The following GRID2 variants were observed in gnomAD, a reference collection of about 807,000 sequenced individuals.
GRID2 encodes glutamate ionotropic receptor delta type subunit 2.
In GRID2, 33 loss-of-function variants were observed where a neutral mutation model predicts 114.8. The ratio of observed to expected loss-of-function variants is 0.29; its 90% CI spans 0.22 to 0.38. GRID2 has a LOEUF of 0.38. Among genes scored for constraint, GRID2 ranks in the 10% least tolerant of loss-of-function variants. The pLI is 1.00. For synonymous variants in GRID2, 505 were observed against 449.9 expected, an observed-to-expected ratio of 1.12 and a Z score of -1.55; for missense variants, 1,184 against 1,257.7, an observed-to-expected ratio of 0.94 and a Z score of 0.89.
chr4:93,713,374 A>G (rs1290299652), intron 14 of GRID2, among the ~76,000 whole-genome samples: 1 of 152,080 alleles, frequency 6.6e-6, no homozygotes, highest in Non-Finnish European at 1.5e-5. Context: ...TTTTAAAAAA[A>G]TAGTTGGGGA....
chr4:92,504,882 A>T (rs980970157), intron 1 of GRID2, among the ~76,000 whole-genome samples: 27 of 152,184 alleles, frequency 1.8e-4, no homozygotes, highest in African/African-American at 6.3e-4. Flanking sequence ...AGCCAATAAT[A>T]TTCAGAATTT....
intron 2 of GRID2, among the ~76,000 whole-genome samples, chr4:92,918,929 C>T (rs1451302964): frequency 1.3e-5 from 2 of 152,170 alleles, no homozygotes; most frequent in African/African-American, 2.4e-5. Flanking sequence ...AGGAATGGTA[C>T]CAGTTCCTCC....
At chr4:93,494,021 A>G (rs528174788) in intron 12 of GRID2, among the ~76,000 whole-genome samples, 26 of 151,980 alleles carry the variant, frequency 1.7e-4, no homozygotes, top group African/African-American at 6.3e-4. Flanking sequence ...TTCTAATTTC[A>G]TGCCTCAACA....
chr4:92,335,510 A>G (rs1023664971), intron 1 of GRID2, among the ~76,000 whole-genome samples: 1 of 152,208 alleles, frequency 6.6e-6, no homozygotes, highest in Non-Finnish European at 1.5e-5. Flanking sequence ...TTATGTTAGG[A>G]AGCTGCTGAA....
chr4:93,685,864 T>C (rs1013837676), intron 14 of GRID2, among the ~76,000 whole-genome samples: 4 of 152,140 alleles, frequency 2.6e-5, no homozygotes, highest in African/African-American at 9.6e-5. Context: ...AGAAGTCAAA[T>C]CACTTTGAAC....
intron 2 of GRID2, among the ~76,000 whole-genome samples, chr4:92,816,285 A>C (rs1740903414): frequency 6.8e-6 from 1 of 146,564 alleles, no homozygotes; most frequent in Non-Finnish European, 1.5e-5. Flanking sequence ...ATTGCACTCC[A>C]GTCTGGGCAA....
In GRID2 at chr4:93,495,336, G is replaced by T. The variant is rs377353600; in HGVS notation, c.1997+4559G>T. ...ATAACAGGATTTTTGCCATCACCTT[G>T]GTCTACATTTTGAAAAGAAAATAAT... On this transcript the variant is annotated intron_variant, in intron 12 of 15. Transcript: ENST00000282020. Among the ~76,000 whole-genome samples the T allele has an allele frequency of 1.8e-4, 27 of 151,704 alleles. No homozygotes were observed. The East Asian group carries it at 5.3e-3, about 30-fold the overall frequency.
intron 14 of GRID2, among the ~76,000 whole-genome samples, chr4:93,735,470 A>G (rs1560957866): frequency 6.6e-6 from 1 of 151,926 alleles, no homozygotes; most frequent in Non-Finnish European, 1.5e-5. Flanking sequence ...AAAATCACCA[A>G]CTCTTTAAGT....
chr4:93,679,242 T>C (rs1022014169), intron 14 of GRID2, among the ~76,000 whole-genome samples: 1 of 151,112 alleles, frequency 6.6e-6, no homozygotes, highest in Non-Finnish European at 1.5e-5. Context: ...CCTAAATATA[T>C]AGGCACCCAA....
intron 13 of GRID2, among the ~76,000 whole-genome samples, chr4:93,599,630 T>C (rs1306690834): frequency 6.6e-6 from 1 of 152,202 alleles, no homozygotes; most frequent in East Asian, 1.9e-4. Context: ...AAATGTTATG[T>C]TCTGATTCCA....
intron 8 of GRID2, among the ~76,000 whole-genome samples, chr4:93,377,869 T>A (rs1763514154): frequency 6.6e-6 from 1 of 152,092 alleles, no homozygotes; most frequent in South Asian, 2.1e-4. Context: ...AAAAAATGAA[T>A]CTTCTGATTG....
rs540462732 is a variant in GRID2 at position 93,650,005 on chromosome 4, C to T, written c.2360+23570C>T. On this transcript the variant is annotated intron_variant, in intron 14 of 15. Coordinates refer to ENST00000282020, the MANE Select transcript of GRID2 (RefSeq NM_001510.4). ...TATATGCCTTTCCCCACCACCACCT[C>T]CCTGACCCAGCCCCCCATCTGCATT... 4.6e-5 allele frequency among the ~76,000 whole-genome samples: 7 copies of T among 152,252 alleles called. No homozygotes were observed. The South Asian group carries it at 1.2e-3, about 27-fold the overall frequency.
At chr4:93,580,907 G>A (rs112385316) in intron 13 of GRID2, among the ~76,000 whole-genome samples, 11,825 of 148,094 alleles carry the variant, frequency 0.08, 562 homozygotes, top group Middle Eastern at 0.11. Context: ...TAACTTCTGG[G>A]ATACATGTGC....
At chr4:92,579,490 C>A (rs34822999) in intron 1 of GRID2, among the ~76,000 whole-genome samples, 1 of 151,756 alleles carries the variant, frequency 6.6e-6, no homozygotes, top group Non-Finnish European at 1.5e-5. Flanking sequence ...ATTCCAAAAG[C>A]AGAATATTTT....
chr4:93,577,297 T>C (rs534501406), intron 13 of GRID2, among the ~76,000 whole-genome samples: 3 of 152,058 alleles, frequency 2.0e-5, no homozygotes, highest in African/African-American at 7.2e-5. Context: ...CATCAGGGAG[T>C]TGTCATGGAA....
intron 6 of GRID2, among the ~76,000 whole-genome samples, chr4:93,223,082 C>G (rs1397618315): frequency 1.3e-5 from 2 of 152,120 alleles, no homozygotes; most frequent in Admixed American, 6.6e-5. Flanking sequence ...GGGCATGTAT[C>G]CTTCATGTAA....
chr4:92,752,316 A>G (rs919393332), intron 2 of GRID2, among the ~76,000 whole-genome samples: 1 of 152,164 alleles, frequency 6.6e-6, no homozygotes, highest in East Asian at 1.9e-4. Flanking sequence ...TCTTAATCAT[A>G]TAGAAAAAAA....
At chr4:93,095,277 C>A (rs1251469751) in intron 3 of GRID2, among the ~76,000 whole-genome samples, 4 of 152,036 alleles carry the variant, frequency 2.6e-5, no homozygotes, top group South Asian at 2.1e-4. Context: ...CCTCCCCTAG[C>A]CCTCCACGCC....
chr4:92,952,049 T>C (rs1752078445), intron 2 of GRID2, among the ~76,000 whole-genome samples: 1 of 152,138 alleles, frequency 6.6e-6, no homozygotes, highest in African/African-American at 2.4e-5. Context: ...TGTGCAAGTA[T>C]AAGAAAAAAA....
Sources: allele counts gnomAD v4.1 joint callset (sites outside exome capture counted in the v4.1 genomes callset), GRCh38; gene constraint gnomAD v4.1.1; transcripts MANE v1.5; gene names NCBI Gene and HGNC (gene_info 2026-07-23, HGNC 2026-07-21).